The following SYNRG variants were observed in gnomAD, a reference collection of about 807,000 sequenced individuals.
The protein encoded by SYNRG is synergin gamma.
In SYNRG, 37 loss-of-function variants were observed where a neutral mutation model predicts 130.9. That is an observed-to-expected ratio of 0.28 (90% CI 0.22 to 0.37). SYNRG has a LOEUF of 0.37. Among genes scored for constraint, SYNRG ranks in the 10% least tolerant of loss-of-function variants. The pLI, the probability that SYNRG is intolerant of heterozygous loss-of-function variation, is 1.00. For missense variants in SYNRG, 1,338 were observed against 1,588.9 expected, an observed-to-expected ratio of 0.84 and a Z score of 2.68; for synonymous variants, 539 against 568.1, an observed-to-expected ratio of 0.95 and a Z score of 0.73.
At chr17:37,582,020 C>T (rs1232352647) in intron 6 of SYNRG, among the ~76,000 whole-genome samples, 3 of 152,170 alleles carry the variant, frequency 2.0e-5, no homozygotes, top group Non-Finnish European at 4.4e-5. Flanking sequence ...ACCTCGGCCT[C>T]CCAAAGTGCT....
In SYNRG at chr17:37,571,889, T is replaced by A; in HGVS notation, c.1000A>T (p.Thr334Ser). Residue 334 changes from threonine to serine, a missense_variant, in exon 9 of 22, where the codon ACT becomes TCT. By Grantham distance (58) the Thr-to-Ser change is moderately conservative. Around this residue, in one of 3 missense-constraint regions of SYNRG, gnomAD observed 1,146 missense variants for 1,342.3 expected, o/e 0.85. Coordinates refer to ENST00000612223, the MANE Select transcript of SYNRG (RefSeq NM_007247.6). ...ILMSSGLPRE[T>S]LGQIWALANR... ...GCTAAGGCCCATATCTGTCCAAGAG[T>A]TTCCCTGGGAAGCCCAGATGACATC... 1 of 1,614,096 alleles carries A rather than the reference T, an allele frequency of 6.2e-7. No homozygotes were observed. The highest frequency in any genetic ancestry group is 8.5e-7 in the Non-Finnish European group (1 of 1,180,008).
chr17:37,559,854 T>C (rs971064731), intron 13 of SYNRG, among the ~76,000 whole-genome samples: 7 of 152,166 alleles, frequency 4.6e-5, no homozygotes, highest in African/African-American at 1.7e-4. Flanking sequence ...TCATGCAAGC[T>C]TCCCGTGAAA....
At chr17:37,531,436 TGAAA>T (rs989746611) in intron 19 of SYNRG, among the ~76,000 whole-genome samples, 1 of 151,998 alleles carries the variant, frequency 6.6e-6, no homozygotes, top group Non-Finnish European at 1.5e-5. Context: ...CAAATGCTAT[TGAAA>T]GAAAGTTGAA....
At chr17:37,598,493 T>G (rs565647866) in intron 2 of SYNRG, among the ~76,000 whole-genome samples, 1 of 152,350 alleles carries the variant, frequency 6.6e-6, no homozygotes, top group East Asian at 1.9e-4. Context: ...GATTTTATTT[T>G]ATTTCTGAAT....
Position 37,536,018 on chromosome 17 carries a change from C to T in SYNRG, c.3627G>A (p.Trp1209Ter), listed in dbSNP as rs1414128246. Residue 1209 changes from tryptophan (W) to a stop codon, truncating the protein, a stop_gained, in exon 19 of 22, where the codon TGG becomes TGA. Transcript: ENST00000612223. LOFTEE classifies it high-confidence loss of function. ...GTGACATGAAGCCGATTAGGTTATT[C>T]CATACTTTATCGATGTCCTTCAGCA... ...QQLLKDIDKV[W>*]NNLIGFMSLA... 1 of 1,614,016 alleles carries T rather than the reference C, an allele frequency of 6.2e-7. No homozygotes were observed. Among genetic ancestry groups the T allele is most frequent in the South Asian group, 1.1e-5 (1 of 91,080 alleles).
At chr17:37,589,163 TA>T (rs1445473578) in intron 3 of SYNRG, among the ~76,000 whole-genome samples, 1 of 152,008 alleles carries the variant, frequency 6.6e-6, no homozygotes, top group African/African-American at 2.4e-5. Flanking sequence ...ACTAAAAGAG[TA>T]AAAGTGTCCA....
At chr17:37,521,184 C>T (rs2054999598) in intron 19 of SYNRG, among the ~76,000 whole-genome samples, 1 of 151,994 alleles carries the variant, frequency 6.6e-6, no homozygotes, top group South Asian at 2.1e-4. Context: ...AGGCGCGCCA[C>T]CACGTCTGGT....
chr17:37,581,099 C>G (rs192378150), intron 6 of SYNRG, among the ~76,000 whole-genome samples: 48 of 152,280 alleles, frequency 3.2e-4, no homozygotes, highest in African/African-American at 1.2e-3. Context: ...CTGAAGACTA[C>G]AACTACCTTT....
intron 13 of SYNRG, among the ~76,000 whole-genome samples, chr17:37,555,334 G>A (rs996164992): frequency 1.3e-5 from 2 of 152,078 alleles, no homozygotes; most frequent in South Asian, 2.1e-4. Context: ...ACCACGTCAC[G>A]TAGGCTGGTT....
chr17:37,554,666 T>C (rs1485521444), intron 13 of SYNRG, among the ~76,000 whole-genome samples: 2 of 152,208 alleles, frequency 1.3e-5, no homozygotes, highest in South Asian at 2.1e-4. Flanking sequence ...AAAAGGTATC[T>C]ATTTATTTGC....
intron 10 of SYNRG, among the ~76,000 whole-genome samples, chr17:37,569,320 G>T (rs1375794134): frequency 6.8e-6 from 1 of 146,990 alleles, no homozygotes; most frequent in Non-Finnish European, 1.5e-5. Context: ...TGAGGCCAGA[G>T]AATCACTTGA....
At position 37,561,612 on chromosome 17, in the gene SYNRG, T is replaced by G. The variant is rs765855114; in HGVS notation, c.1482-23A>C. On this transcript the variant is annotated intron_variant, in intron 11 of 21. Transcript: ENST00000612223. The stretch of plus-strand genomic sequence containing the variant: ...GCACTGAAGGAAAAAATAAACATAT[T>G]TTGATGACATTGAATCCCTCCTTTA... 8 of 1,542,580 alleles carry G rather than the reference T, an allele frequency of 5.2e-6. No individual in the cohort carries two copies. The Admixed American group carries it at 1.2e-4, about 23-fold the overall frequency.
intron 1 of SYNRG, among the ~76,000 whole-genome samples, chr17:37,603,685 TG>T (rs1568559107): frequency 6.6e-6 from 1 of 152,194 alleles, no homozygotes; most frequent in Non-Finnish European, 1.5e-5. Flanking sequence ...GTCTCAACAA[TG>T]GGCTTAAAAT....
In SYNRG at chr17:37,561,563, G is replaced by T. The variant is rs2059535797; in HGVS notation, c.1508C>A (p.Pro503His). 6.2e-7 allele frequency: 1 copy of T among 1,611,928 alleles called. No homozygotes were observed. The highest frequency in any genetic ancestry group is 2.2e-5 in the East Asian group (1 of 44,848). Residue 503 changes from proline to histidine, a missense_variant, in exon 12 of 22, where the codon CCT becomes CAT. Pro to His is a moderately conservative substitution (Grantham distance 77). Coordinates refer to ENST00000612223, the MANE Select transcript of SYNRG (RefSeq NM_007247.6). ...NSAPSLLMPL[P>H]GTKALPSMDK... is the part of the protein sequence containing the mutation. ...CATTGAAGGCAATGCTTTAGTTCCAGGAAGTGGCATCAACAAAGAAGGGGC... is the reference window on the plus strand; with the variant it reads ...CATTGAAGGCAATGCTTTAGTTCCATGAAGTGGCATCAACAAAGAAGGGGC...
rs545455752 is a variant in SYNRG at position 37,534,190 on chromosome 17, C to T, written c.3666+1789G>A. Among the ~76,000 whole-genome samples, 14 of 151,686 alleles carry T rather than the reference C, an allele frequency of 9.2e-5. No homozygotes were observed. The South Asian group carries it at 1.0e-3, about 11-fold the overall frequency. On this transcript the variant is annotated intron_variant, in intron 19 of 21. Coordinates refer to ENST00000612223, the MANE Select transcript of SYNRG (RefSeq NM_007247.6). ...AACTCCTGGCCTCAATTGTTCTGCC[C>T]GCCTTGGCCTCCCAAAGTGCTGGGA...
At chr17:37,539,806 T>A (rs920119427) in intron 16 of SYNRG, among the ~76,000 whole-genome samples, 1 of 152,230 alleles carries the variant, frequency 6.6e-6, no homozygotes, top group African/African-American at 2.4e-5. Flanking sequence ...ATTTGTTCCA[T>A]CAGTAACAGT....
In SYNRG at chr17:37,568,830, G is replaced by C; in HGVS notation, c.1442C>G (p.Pro481Arg). 1 of 1,614,000 alleles carries C rather than the reference G, an allele frequency of 6.2e-7. No individual in the cohort carries two copies. The highest frequency in any genetic ancestry group is 8.5e-7 in the Non-Finnish European group (1 of 1,179,940). ...GGAGTTACTTGTTTTTGAAGAAGCA[G>C]GCAACTCTTGGAAATCACTGAATGA... ...DDSFSDFQEL[P>R]ASSKTSNSQH... The change falls in exon 11 of 22, where the codon CCT becomes CGT. Residue 481 changes from proline to arginine, a missense_variant. Pro to Arg is a moderately radical substitution (Grantham distance 103). Transcript: ENST00000612223.
chr17:37,583,915 G>C (rs1316026661), intron 6 of SYNRG, among the ~76,000 whole-genome samples: 2 of 152,130 alleles, frequency 1.3e-5, no homozygotes, highest in Non-Finnish European at 2.9e-5. Flanking sequence ...GGCTGGTCTT[G>C]AACTCCTGAC....
intron 11 of SYNRG, among the ~76,000 whole-genome samples, chr17:37,564,181 A>G (rs1001780015): frequency 6.6e-6 from 1 of 152,036 alleles, no homozygotes; most frequent in African/African-American, 2.4e-5. Flanking sequence ...TCTATGATCA[A>G]TGTCCCATAT....
Sources: allele counts gnomAD v4.1 joint callset (sites outside exome capture counted in the v4.1 genomes callset), GRCh38; gene constraint gnomAD v4.1.1; regional missense constraint gnomAD v4.1.1; transcripts MANE v1.5; gene names NCBI Gene and HGNC (gene_info 2026-07-23, HGNC 2026-07-21).